The following SPAG16 variants were observed in gnomAD, a reference collection of about 807,000 sequenced individuals.
SPAG16 encodes sperm-associated antigen 16 protein.
A neutral mutation model predicts 80.4 loss-of-function variants in SPAG16; 86 were observed. The observed-to-expected ratio is 1.07, with a 90% CI of 0.90 to 1.28. SPAG16 has a LOEUF of 1.28. SPAG16 is among the 50% of genes most tolerant of loss of function. SPAG16 has a pLI of 0.00. For synonymous variants in SPAG16, 294 were observed against 265.9 expected (o/e 1.11, Z -1.03); for missense variants, 870 against 765.3 (o/e 1.14, Z -1.61).
intron 10 of SPAG16, among the ~76,000 whole-genome samples, chr2:213,657,973 T>C (rs1320921535): frequency 6.6e-6 from 1 of 152,206 alleles, no homozygotes; most frequent in Non-Finnish European, 1.5e-5. Context: ...CAGAATCCAT[T>C]CTCAATCCCT....
At chr2:213,629,418 G>A (rs538451439) in intron 10 of SPAG16, among the ~76,000 whole-genome samples, 7 of 152,138 alleles carry the variant, frequency 4.6e-5, no homozygotes, top group Non-Finnish European at 7.4e-5. Context: ...TATATATTCC[G>A]TCAGTCTCTT....
intron 10 of SPAG16, among the ~76,000 whole-genome samples, chr2:213,641,322 C>G (rs1170488356): frequency 6.6e-6 from 1 of 152,186 alleles, no homozygotes; most frequent in Non-Finnish European, 1.5e-5. Flanking sequence ...AAGTTTATAT[C>G]CAGGCCTCCG....
At chr2:213,403,851 C>T (rs1175756072) in intron 9 of SPAG16, among the ~76,000 whole-genome samples, 1 of 152,210 alleles carries the variant, frequency 6.6e-6, no homozygotes, top group African/African-American at 2.4e-5. Context: ...TAAGCAACTT[C>T]AGCAAAGTCT....
intron 5 of SPAG16, among the ~76,000 whole-genome samples, chr2:213,322,069 A>T (rs981200288): frequency 1.3e-5 from 2 of 151,042 alleles, no homozygotes; most frequent in Non-Finnish European, 3.0e-5. Context: ...AACTTAAAGT[A>T]TAATAAAAAT....
chr2:214,088,885 T>TA (rs1291694182), intron 13 of SPAG16, among the ~76,000 whole-genome samples: 1 of 152,010 alleles, frequency 6.6e-6, no homozygotes, highest in Non-Finnish European at 1.5e-5. Flanking sequence ...ACAATGATAC[T>TA]AAAATATGGG....
At chr2:213,778,189 C>T (rs1464473129) in intron 10 of SPAG16, among the ~76,000 whole-genome samples, 3 of 151,690 alleles carry the variant, frequency 2.0e-5, no homozygotes, top group African/African-American at 2.4e-5. Context: ...ACAAATCACA[C>T]GATGATTGTC....
At chr2:213,814,109 C>G (rs1394135795) in intron 10 of SPAG16, among the ~76,000 whole-genome samples, 2 of 152,126 alleles carry the variant, frequency 1.3e-5, no homozygotes, top group East Asian at 3.9e-4. Context: ...TTTATGGGAA[C>G]AGTCCTAAAT....
At chr2:213,923,427 G>A (rs376093927) in intron 11 of SPAG16, among the ~76,000 whole-genome samples, 1 of 152,272 alleles carries the variant, frequency 6.6e-6, no homozygotes, top group East Asian at 1.9e-4. Flanking sequence ...CAGACTGCTG[G>A]GCCAGAAGCC....
intron 12 of SPAG16, among the ~76,000 whole-genome samples, chr2:213,976,487 C>T (rs1439177948): frequency 6.6e-6 from 1 of 151,814 alleles, no homozygotes; most frequent in East Asian, 1.9e-4. Flanking sequence ...GCAAAAAGGA[C>T]TTGCAGATAT....
At chr2:213,752,519 C>G (rs910744462) in intron 10 of SPAG16, among the ~76,000 whole-genome samples, 1 of 152,164 alleles carries the variant, frequency 6.6e-6, no homozygotes, top group Non-Finnish European at 1.5e-5. Flanking sequence ...TTTCTTTAAA[C>G]ATAGTGAGAT....
intron 15 of SPAG16, among the ~76,000 whole-genome samples, chr2:214,332,454 A>G (rs1016313548): frequency 6.6e-6 from 1 of 152,142 alleles, no homozygotes; most frequent in African/African-American, 2.4e-5. Context: ...GGCTAAGTCA[A>G]TCTGTCTATT....
intron 11 of SPAG16, among the ~76,000 whole-genome samples, chr2:213,925,536 G>A (rs960788371): frequency 3.3e-5 from 5 of 152,028 alleles, no homozygotes; most frequent in South Asian, 2.1e-4. Flanking sequence ...ATTTTTAGTA[G>A]GGATATGGTT....
At chr2:213,621,448 G>C (rs1470465380) in intron 10 of SPAG16, among the ~76,000 whole-genome samples, 1 of 152,166 alleles carries the variant, frequency 6.6e-6, no homozygotes, top group Non-Finnish European at 1.5e-5. Context: ...GGTTTGATTA[G>C]TGTGACAAAC....
chr2:213,959,819 C>G (rs528690994), intron 12 of SPAG16, among the ~76,000 whole-genome samples: 1 of 152,280 alleles, frequency 6.6e-6, no homozygotes, highest in South Asian at 2.1e-4. Flanking sequence ...GCACACACAC[C>G]TAAACCTAAC....
At chr2:214,123,292 A>G (rs1218639582) in intron 14 of SPAG16, among the ~76,000 whole-genome samples, 2 of 150,290 alleles carry the variant, frequency 1.3e-5, no homozygotes, top group African/African-American at 2.4e-5. Flanking sequence ...AATCACTCCT[A>G]TAGTCAAATG....
chr2:213,644,861 C>G (rs781487713), intron 10 of SPAG16, among the ~76,000 whole-genome samples: 2 of 152,328 alleles, frequency 1.3e-5, no homozygotes, highest in African/African-American at 2.4e-5. Context: ...TTCCTGGCCA[C>G]TGCTTATGTT....
chr2:213,351,769 C>T (rs1403296369), intron 7 of SPAG16, among the ~76,000 whole-genome samples: 2 of 152,016 alleles, frequency 1.3e-5, no homozygotes, highest in Admixed American at 6.6e-5. Context: ...TTCTTAGCTT[C>T]GAAAATGCAA....
intron 15 of SPAG16, among the ~76,000 whole-genome samples, chr2:214,308,865 T>A (rs1026150612): frequency 5.3e-5 from 8 of 152,124 alleles, no homozygotes; most frequent in African/African-American, 1.9e-4. Flanking sequence ...TTATATGTCT[T>A]GGGGATGATC....
chr2:213,624,800 G>T lies in SPAG16; in HGVS notation c.1070+134710G>T, dbSNP rs1574538730. On this transcript the variant is annotated intron_variant, in intron 10 of 15. Coordinates refer to ENST00000331683, the MANE Select transcript of SPAG16 (RefSeq NM_024532.5). ...CTTAAGGCCTTTGTCTCAGGTTTTTGTTTTTTTTGAGATGGAGTCTTGATC... is the reference window on the plus strand; with the variant it reads ...CTTAAGGCCTTTGTCTCAGGTTTTTTTTTTTTTTGAGATGGAGTCTTGATC... Among the ~76,000 whole-genome samples, 4 of 151,868 alleles carry T rather than the reference G, an allele frequency of 2.6e-5. No individual in the cohort carries two copies. The South Asian group carries it at 8.3e-4, about 32-fold the overall frequency.
Sources: allele counts gnomAD v4.1 joint callset (sites outside exome capture counted in the v4.1 genomes callset), GRCh38; gene constraint gnomAD v4.1.1; transcripts MANE v1.5; gene names NCBI Gene and HGNC (gene_info 2026-07-23, HGNC 2026-07-21).